CHN1: variants seen among roughly 807,000 people sequenced by gnomAD.
CHN1 encodes the protein chimerin 1.
In CHN1, 37 loss-of-function variants were observed where a neutral mutation model predicts 59.5. The ratio of observed to expected loss-of-function variants is 0.62; its 90% CI spans 0.48 to 0.82. The LOEUF is 0.82. Ranked by LOEUF, CHN1 falls within the 40% of genes least tolerant of loss-of-function variation. The pLI, the probability that CHN1 is intolerant of heterozygous loss-of-function variation, is 0.00. For synonymous variants in CHN1, 206 were observed against 200.4 expected (o/e 1.03, Z -0.24); for missense variants, 469 against 571.0 (o/e 0.82, Z 1.82).
chr2:174,873,257 G>A (rs1299849149), intron 6 of CHN1, among the ~76,000 whole-genome samples: 1 of 152,130 alleles, frequency 6.6e-6, no homozygotes, highest in Non-Finnish European at 1.5e-5. Flanking sequence ...TAAACTTGGG[G>A]GAGAGCGAGA....
At chr2:174,892,568 C>T (rs1574134893) in intron 5 of CHN1, among the ~76,000 whole-genome samples, 1 of 152,260 alleles carries the variant, frequency 6.6e-6, no homozygotes, top group East Asian at 1.9e-4. Flanking sequence ...TTTGTTACAG[C>T]AGCACAAACA....
chr2:174,956,874 T>C (rs1366412135), intron 1 of CHN1, among the ~76,000 whole-genome samples: 3 of 152,130 alleles, frequency 2.0e-5, no homozygotes, highest in Non-Finnish European at 4.4e-5. Context: ...ACAGTAATTA[T>C]ATGCTATGAA....
At chr2:174,984,265 C>G (rs1691263292) in intron 1 of CHN1, among the ~76,000 whole-genome samples, 1 of 151,666 alleles carries the variant, frequency 6.6e-6, no homozygotes, top group South Asian at 2.1e-4. Context: ...ATAATACTCT[C>G]TGATCCATGT....
chr2:174,943,511 C>A (rs1272919408), intron 3 of CHN1, among the ~76,000 whole-genome samples: 1 of 152,102 alleles, frequency 6.6e-6, no homozygotes, highest in Non-Finnish European at 1.5e-5. Flanking sequence ...AGGCATGAGC[C>A]ATCATGCCCA....
chr2:174,854,731 G>C (rs1280619147), intron 6 of CHN1, among the ~76,000 whole-genome samples: 1 of 152,138 alleles, frequency 6.6e-6, no homozygotes, highest in African/African-American at 2.4e-5. Context: ...CATTACTTCT[G>C]GCACAGAAAG....
chr2:174,881,112 T>G (rs574401087), intron 5 of CHN1, among the ~76,000 whole-genome samples: 96 of 152,174 alleles, frequency 6.3e-4, no homozygotes, highest in Non-Finnish European at 1.2e-3. Context: ...TATAGAATCT[T>G]GCTCTTATGT....
At chr2:174,980,131 A>T (rs1691093528) in intron 1 of CHN1, among the ~76,000 whole-genome samples, 1 of 152,186 alleles carries the variant, frequency 6.6e-6, no homozygotes, top group South Asian at 2.1e-4. Context: ...CTAAGTGAAC[A>T]ATAAAAGCTA....
At chr2:174,976,362 C>T (rs1690939568) in intron 1 of CHN1, among the ~76,000 whole-genome samples, 1 of 151,804 alleles carries the variant, frequency 6.6e-6, no homozygotes, top group African/African-American at 2.4e-5. Flanking sequence ...CTCAGCCTCC[C>T]GAGTAGCTGG....
intron 1 of CHN1, among the ~76,000 whole-genome samples, chr2:174,975,398 T>G (rs1231232230): frequency 6.6e-6 from 1 of 152,160 alleles, no homozygotes; most frequent in Non-Finnish European, 1.5e-5. Context: ...TTGTCCTATT[T>G]GTTCTCCCTT....
At chr2:174,952,957 G>A (rs994724070) in intron 1 of CHN1, among the ~76,000 whole-genome samples, 3 of 152,204 alleles carry the variant, frequency 2.0e-5, no homozygotes, top group African/African-American at 7.2e-5. Flanking sequence ...GTAGCTTCTG[G>A]CTACGCTGTG....
chr2:174,896,657 A>T (rs1003628763), intron 5 of CHN1, among the ~76,000 whole-genome samples: 4 of 152,146 alleles, frequency 2.6e-5, no homozygotes, highest in African/African-American at 9.7e-5. Context: ...ACAGCACTAC[A>T]CAGAAGCCCA....
In CHN1 at chr2:174,918,534, T is replaced by G. The variant is rs766993430; in HGVS notation, c.146A>C (p.Glu49Ala). 5.0e-5 allele frequency: 80 copies of G among 1,587,326 alleles called. No homozygotes were observed. Among genetic ancestry groups the G allele is most frequent in the Non-Finnish European group, 6.1e-5 (71 of 1,165,626 alleles). Residue 49 changes from glutamate (E) to alanine (A), a missense_variant and splice_region_variant, in exon 4 of 13, where the codon GAG (glutamate) becomes GCG (alanine). Glu to Ala is a moderately radical substitution (Grantham distance 107). Around this residue, in one of 5 missense-constraint regions of CHN1, gnomAD observed 152 missense variants for 166.1 expected, o/e 0.92. Transcript: ENST00000409900. ...ACGTTTTCTAATAATCCATACTTACTCTCTTCCATAATACTTTGGTCTGTT... is the reference window on the plus strand; with the variant it reads ...ACGTTTTCTAATAATCCATACTTACGCTCTTCCATAATACTTTGGTCTGTT... ...VENRPKYYGR[E>A]FHGMISREAA...
Position 174,957,144 on chromosome 2 carries a change from T to C in CHN1, c.20-4942A>G, listed in dbSNP as rs547943392. Among the ~76,000 whole-genome samples, 12 of 152,320 alleles carry C rather than the reference T, an allele frequency of 7.9e-5. No individual in the cohort carries two copies. In the South Asian group the frequency reaches 1.2e-3, roughly 16 times the overall value. On this transcript the variant is annotated intron_variant, in intron 1 of 12. Transcript: ENST00000409900. ...ACACATGCATACTCTCCAAAAGATGTATCACAGCCTTCTTGCTCTTAGGAA... is the reference window on the plus strand; with the variant it reads ...ACACATGCATACTCTCCAAAAGATGCATCACAGCCTTCTTGCTCTTAGGAA...
chr2:174,954,073 T>A (rs1690112030), intron 1 of CHN1, among the ~76,000 whole-genome samples: 1 of 152,172 alleles, frequency 6.6e-6, no homozygotes, highest in Non-Finnish European at 1.5e-5. Flanking sequence ...CAAAACAGCA[T>A]AGTACTGGTA....
chr2:174,948,653 A>G (rs1028201885), intron 2 of CHN1, among the ~76,000 whole-genome samples: 1 of 152,230 alleles, frequency 6.6e-6, no homozygotes, highest in Non-Finnish European at 1.5e-5. Flanking sequence ...CCAAAGATAG[A>G]AAAACAAAAC....
intron 2 of CHN1, chr2:174,945,162 CT>C: frequency 1.9e-6 from 1 of 535,022 alleles, no homozygotes; most frequent in Admixed American, 3.2e-5. Context: ...AAACAAGTGT[CT>C]TTTTACCTTA....
At chr2:174,894,412 C>T (rs1054822284) in intron 5 of CHN1, among the ~76,000 whole-genome samples, 2 of 151,906 alleles carry the variant, frequency 1.3e-5, no homozygotes, top group African/African-American at 4.8e-5. Context: ...AAATCAAAAC[C>T]ATAATGAGAT....
At chr2:174,837,192 T>A (rs982590113) in intron 7 of CHN1, 1 of 152,162 alleles carries the variant, frequency 6.6e-6, no homozygotes, top group African/African-American at 2.4e-5. Context: ...AGTAATGAGC[T>A]GTAACAGCAA....
intron 7 of CHN1, among the ~76,000 whole-genome samples, chr2:174,838,927 G>C (rs1326100305): frequency 6.6e-6 from 1 of 151,850 alleles, no homozygotes; most frequent in Non-Finnish European, 1.5e-5. Context: ...TGAGACAGGA[G>C]AATAGCTTGA....
Sources: gnomAD v4.1 joint callset for allele counts (sites outside exome capture counted in the v4.1 genomes callset) on GRCh38, gnomAD v4.1.1 for gene constraint, gnomAD v4.1.1 regional missense constraint, MANE v1.5 for transcripts, NCBI Gene and HGNC (gene_info 2026-07-23, HGNC 2026-07-21) for gene names.